The following DPYD variants were observed in gnomAD, a reference collection of about 807,000 sequenced individuals.
DPYD encodes the protein dihydropyrimidine dehydrogenase, also known as dihydropyrimidine dehydrogenase [NADP(+)].
A neutral mutation model predicts 116.2 loss-of-function variants in DPYD; 109 were observed. The observed-to-expected ratio is 0.94, with a 90% CI of 0.80 to 1.10. DPYD has a LOEUF of 1.10. DPYD is among the 50% of genes least tolerant of loss of function. The pLI, the probability that DPYD is intolerant of heterozygous loss-of-function variation, is 0.00. For missense variants in DPYD, 1,302 were observed against 1,254.5 expected (o/e 1.04, Z -0.57); for synonymous variants, 440 against 432.0 (o/e 1.02, Z -0.23).
chr1:97,253,870 G>C (rs1367822334), intron 18 of DPYD, among the ~76,000 whole-genome samples: 1 of 151,868 alleles, frequency 6.6e-6, no homozygotes, highest in Non-Finnish European at 1.5e-5. Flanking sequence ...TATTATTTGG[G>C]AAAAACAAGG....
chr1:97,623,281 G>A (rs941675250), intron 8 of DPYD, among the ~76,000 whole-genome samples: 1 of 152,088 alleles, frequency 6.6e-6, no homozygotes, highest in African/African-American at 2.4e-5. Context: ...ACAAAGGCAA[G>A]CCAGTAAAGA....
chr1:97,724,300 GGGGGGGGGTGTGTGTGTGTGTGTGT>G (rs1161050918), intron 4 of DPYD, among the ~76,000 whole-genome samples: 73 of 15,068 alleles, frequency 4.8e-3, no homozygotes, highest in East Asian at 0.022. Flanking sequence ...ATGTGGGGGG[GGGGGGGGGTGTGTGTGTGTGTGTGT>G]GTGTGTGTGT....
chr1:97,842,182 T>C (rs1670071670), intron 2 of DPYD, among the ~76,000 whole-genome samples: 1 of 151,946 alleles, frequency 6.6e-6, no homozygotes, highest in East Asian at 1.9e-4. Flanking sequence ...AAGCATATTT[T>C]AATTTTATTT....
At chr1:97,164,569 T>A (rs1289028143) in intron 20 of DPYD, among the ~76,000 whole-genome samples, 1 of 152,158 alleles carries the variant, frequency 6.6e-6, no homozygotes, top group African/African-American at 2.4e-5. Flanking sequence ...GATAAACCTC[T>A]TCTGCAAAGT....
intron 20 of DPYD, among the ~76,000 whole-genome samples, chr1:97,156,265 T>C (rs894360908): frequency 6.6e-6 from 1 of 152,030 alleles, no homozygotes; most frequent in Non-Finnish European, 1.5e-5. Flanking sequence ...GCCTCCAGGG[T>C]TCCATTCTGA....
chr1:97,670,794 T>C (rs1342397159), intron 8 of DPYD, among the ~76,000 whole-genome samples: 2 of 152,152 alleles, frequency 1.3e-5, no homozygotes, highest in Admixed American at 1.3e-4. Context: ...ATTTTCCAAT[T>C]CTCTTATCAA....
chr1:97,793,209 T>C (rs1396628539), intron 3 of DPYD, among the ~76,000 whole-genome samples: 1 of 152,110 alleles, frequency 6.6e-6, no homozygotes, highest in African/African-American at 2.4e-5. Flanking sequence ...GAGAAAAAAA[T>C]TTAAAGTCCT....
chr1:97,541,559 TG>T (rs757323922), intron 12 of DPYD, among the ~76,000 whole-genome samples: 15 of 152,222 alleles, frequency 9.9e-5, no homozygotes, highest in Non-Finnish European at 1.9e-4. Flanking sequence ...ATCTTGGCCC[TG>T]GATTTTTTTA....
At chr1:97,693,082 A>AT (rs1388158682) in intron 6 of DPYD, among the ~76,000 whole-genome samples, 1 of 151,968 alleles carries the variant, frequency 6.6e-6, no homozygotes, top group African/African-American at 2.4e-5. Flanking sequence ...CGAGGTCAGG[A>AT]GATCAAGACC....
chr1:97,215,556 G>T (rs1660322920), intron 19 of DPYD, among the ~76,000 whole-genome samples: 1 of 152,060 alleles, frequency 6.6e-6, no homozygotes, highest in African/African-American at 2.4e-5. Flanking sequence ...TCAAAAGGAG[G>T]CAATGAAAAA....
At chr1:97,129,721 A>T (rs1415226763) in intron 20 of DPYD, among the ~76,000 whole-genome samples, 1 of 152,180 alleles carries the variant, frequency 6.6e-6, no homozygotes, top group African/African-American at 2.4e-5. Flanking sequence ...TGCCACCACA[A>T]GATGGTTATT....
At chr1:97,244,640 TGATA>T (rs1662591094) in intron 18 of DPYD, among the ~76,000 whole-genome samples, 1 of 152,082 alleles carries the variant, frequency 6.6e-6, no homozygotes, top group South Asian at 2.1e-4. Flanking sequence ...TTGATTTATG[TGATA>T]GGCTGGTGTG....
At chr1:97,268,037 C>T (rs532168094) in intron 18 of DPYD, among the ~76,000 whole-genome samples, 3 of 152,214 alleles carry the variant, frequency 2.0e-5, no homozygotes, top group East Asian at 1.9e-4. Context: ...TAGACATTCC[C>T]GTTCCAAAAG....
chr1:97,724,413 T>C (rs1663119119), intron 4 of DPYD, among the ~76,000 whole-genome samples: 1 of 149,820 alleles, frequency 6.7e-6, no homozygotes, highest in African/African-American at 2.5e-5. Context: ...ACCTGCAAAT[T>C]TCCAAGATCT....
chr1:97,721,889 A>G (rs1662946279), intron 4 of DPYD, among the ~76,000 whole-genome samples: 1 of 150,650 alleles, frequency 6.6e-6, no homozygotes, highest in Non-Finnish European at 1.5e-5. Flanking sequence ...TTGATAAATG[A>G]ATAACTAATC....
intron 20 of DPYD, among the ~76,000 whole-genome samples, chr1:97,142,100 T>C (rs1654267900): frequency 6.6e-6 from 1 of 152,188 alleles, no homozygotes; most frequent in Non-Finnish European, 1.5e-5. Flanking sequence ...CTTTGAGCTT[T>C]ATCCCCATAG....
At chr1:97,827,505 A>C (rs961545973) in intron 3 of DPYD, among the ~76,000 whole-genome samples, 1 of 152,166 alleles carries the variant, frequency 6.6e-6, no homozygotes, top group East Asian at 1.9e-4. Context: ...CTTCACTAAA[A>C]GTTATTTAAA....
intron 14 of DPYD, among the ~76,000 whole-genome samples, chr1:97,441,375 T>C (rs1280668256): frequency 6.6e-6 from 1 of 152,142 alleles, no homozygotes; most frequent in Non-Finnish European, 1.5e-5. Context: ...CCTGATGGTA[T>C]GTTTACTTCT....
chr1:97,877,685 T>C (rs1276214453), intron 2 of DPYD, among the ~76,000 whole-genome samples: 1 of 152,048 alleles, frequency 6.6e-6, no homozygotes, highest in Non-Finnish European at 1.5e-5. Context: ...TCAAATATCA[T>C]ATAACAGGAG....
Sources: allele counts gnomAD v4.1 joint callset (sites outside exome capture counted in the v4.1 genomes callset), GRCh38; gene constraint gnomAD v4.1.1; transcripts MANE v1.5; gene names NCBI Gene and HGNC (gene_info 2026-07-23, HGNC 2026-07-21).